Variants in BRD3 observed in about 807,000 individuals in gnomAD.
The protein encoded by BRD3 is bromodomain containing 3, also known as bromodomain-containing protein 3.
A neutral mutation model predicts 66.8 loss-of-function variants in BRD3; 17 were observed. The observed-to-expected ratio is 0.25, with a 90% CI of 0.17 to 0.38. The LOEUF (loss-of-function observed/expected upper bound fraction) is 0.38. Among genes scored for constraint, BRD3 ranks in the 10% least tolerant of loss-of-function variants. BRD3 has a pLI of 1.00. For synonymous variants in BRD3, 421 were observed against 393.2 expected (o/e 1.07, Z -0.84); for missense variants, 713 against 956.1 (o/e 0.75, Z 3.35).
chr9:134,036,442 C>T, intron 9 of BRD3, 118 bp from the exon 10 acceptor site: 5 of 1,576,350 alleles, frequency 3.2e-6, no homozygotes, highest in Non-Finnish European at 4.3e-6. Flanking sequence ...GCTTTCTTCC[C>T]AAAGTGGTGC....
chr9:134,039,853 T>A (rs1454126814), intron 9 of BRD3, among the ~76,000 whole-genome samples, 181 bp downstream of exon 9: 1 of 151,240 alleles, frequency 6.6e-6, no homozygotes, highest in African/African-American at 2.5e-5. Flanking sequence ...CTGAGCAGCA[T>A]CACCTGGGCC....
intron 9 of BRD3, among the ~76,000 whole-genome samples, chr9:134,038,694 A>T (rs987110791): frequency 6.6e-6 from 1 of 152,140 alleles, no homozygotes; most frequent in Non-Finnish European, 1.5e-5. Context: ...CAAAATCTGA[A>T]ACTGTCTGAG....
chr9:134,034,437 G>T, intron 11 of BRD3: 2 of 457,946 alleles, frequency 4.4e-6, no homozygotes, highest in South Asian at 2.7e-5. Context: ...GCCCTCTCCT[G>T]GGGGGTCCTC....
At chr9:134,068,515 C>G (rs868077664), upstream of BRD3, 2 of 150,504 alleles carry the variant, frequency 1.3e-5, no homozygotes, top group African/African-American at 4.8e-5. Flanking sequence ...TGTAAACAAA[C>G]CGCGCGCCTA....
intron 1 of BRD3, chr9:134,058,370 G>C (rs931323112): frequency 6.6e-6 from 1 of 152,326 alleles, no homozygotes; most frequent in Non-Finnish European, 1.5e-5. Context: ...TGGACGAACA[G>C]AGGTAACATT....
rs202191407 is a variant in BRD3 at position 134,048,375 on chromosome 9, G to A, written c.794C>T (p.Pro265Leu). ...AITASRSESP[P>L]PLSDPKQAKV... is the part of the protein sequence containing the mutation. Reference sequence around the variant, plus strand: ...GGCCTGCTTGGGGTCTGACAACGGCGGGGGCGACTCACTCCGGCTGGCAGT... The same window carrying A: ...GGCCTGCTTGGGGTCTGACAACGGCAGGGGCGACTCACTCCGGCTGGCAGT... Residue 265 changes from proline (P) to leucine (L), a missense_variant, in exon 6 of 12, where the codon CCG becomes CTG. Pro to Leu is a moderately conservative substitution (Grantham distance 98, BLOSUM62 -3). Around this residue, in one of 5 missense-constraint regions of BRD3, gnomAD observed 418 missense variants for 609.3 expected, o/e 0.69. Transcript: ENST00000303407. 112 of 1,598,512 alleles carry A rather than the reference G, an allele frequency of 7.0e-5. No homozygotes were observed. The highest frequency in any genetic ancestry group is 8.1e-5 in the Non-Finnish European group (95 of 1,179,860).
chr9:134,041,629 G>C (rs146906837), intron 8 of BRD3, 131 bp downstream of exon 8: 1 of 1,225,828 alleles, frequency 8.2e-7, no homozygotes, highest in South Asian at 1.5e-5. Context: ...GTGTCTTTAC[G>C]GGGAAGCACT....
intron 8 of BRD3, among the ~76,000 whole-genome samples, 171 bp from the exon 9 acceptor site, chr9:134,040,440 C>T (rs1830020193): frequency 6.6e-6 from 1 of 152,200 alleles, no homozygotes; most frequent in Admixed American, 6.5e-5. Context: ...CCCGTGACCC[C>T]CAGTGAGTCA....
intron 3 of BRD3, 119 bp from the exon 4 acceptor site, chr9:134,051,828 G>A: frequency 9.3e-7 from 1 of 1,078,906 alleles, no homozygotes; most frequent in Non-Finnish European, 1.3e-6. Context: ...GGCAGCGCAG[G>A]AGAGAACAAA....
At chr9:134,046,018 G>A (rs456207) in intron 6 of BRD3, among the ~76,000 whole-genome samples, 49,332 of 151,976 alleles carry the variant, frequency 0.32, 8,443 homozygotes, top group East Asian at 0.62. Flanking sequence ...TGGAGGCAAC[G>A]GGGGCGTGTC....
chr9:134,067,268 G>A (rs1830680484), intron 1 of BRD3, among the ~76,000 whole-genome samples: 1 of 151,920 alleles, frequency 6.6e-6, no homozygotes, highest in Admixed American at 6.5e-5. Flanking sequence ...CAATAATCCG[G>A]CAACTCAGGG....
At chr9:134,064,381 A>AT (rs1052754745) in intron 1 of BRD3, among the ~76,000 whole-genome samples, 23 of 130,956 alleles carry the variant, frequency 1.8e-4, no homozygotes, top group African/African-American at 4.0e-4. Context: ...ATTAAAAAAA[A>AT]TTAAAAAAAA....
chr9:134,043,628 C>T (rs1830107926), intron 7 of BRD3, among the ~76,000 whole-genome samples: 3 of 152,210 alleles, frequency 2.0e-5, no homozygotes, highest in Non-Finnish European at 4.4e-5. Context: ...CAGGTCAGGT[C>T]GTTTTGCTGT....
intron 1 of BRD3, among the ~76,000 whole-genome samples, chr9:134,063,637 C>T (rs906607812): frequency 1.3e-5 from 2 of 152,190 alleles, no homozygotes; most frequent in Non-Finnish European, 2.9e-5. Flanking sequence ...AGTGCTCACA[C>T]GGAGGCTAAG....
chr9:134,065,562 G>A (rs866710421), intron 1 of BRD3, among the ~76,000 whole-genome samples: 2 of 152,140 alleles, frequency 1.3e-5, no homozygotes, highest in African/African-American at 4.8e-5. Flanking sequence ...TGAAAACCAA[G>A]AGACCCGCAG....
chr9:134,038,018 G>T (rs1829963486), intron 9 of BRD3, among the ~76,000 whole-genome samples: 1 of 152,198 alleles, frequency 6.6e-6, no homozygotes, highest in Non-Finnish European at 1.5e-5. Context: ...TTGAATTCAT[G>T]ATTAAAAACC....
intron 1 of BRD3, among the ~76,000 whole-genome samples, chr9:134,060,608 ACACACACACACACG>A (rs1164555577): frequency 1.3e-5 from 2 of 151,842 alleles, no homozygotes; most frequent in African/African-American, 2.4e-5. Flanking sequence ...ACACACACAC[ACACACACACACACG>A]ATCTGGAATG....
intron 6 of BRD3, among the ~76,000 whole-genome samples, chr9:134,047,461 C>T (rs1444602403): frequency 6.6e-6 from 1 of 152,182 alleles, no homozygotes; most frequent in African/African-American, 2.4e-5. Flanking sequence ...GCTCAAATGC[C>T]GCACCCACCA....
rs111636558 is a variant in BRD3, at chr9:134,051,849, G to A, written c.352-140C>T. 2,926 of 340,096 alleles carry A rather than the reference G, an allele frequency of 8.6e-3. 109 individuals are homozygous for A. In the African/African-American group the frequency reaches 0.091, roughly 11 times the overall value. The allele number at this position is 340,096 out of a possible 1,614,324, so 21.1% of individuals were successfully genotyped here. A position where few individuals can be genotyped will look rare whatever the true frequency, so the allele number is the denominator to read the frequency against. ...GCAGGAGAGAACAAAATGAATATAT[G>A]TGTGTGTGTGTGTGTGTGTGTGTGT... On this transcript the variant is annotated intron_variant, in intron 3 of 11. Coordinates refer to ENST00000303407, the MANE Select transcript of BRD3 (RefSeq NM_007371.4).
Sources: allele counts gnomAD v4.1 joint callset (sites outside exome capture counted in the v4.1 genomes callset), GRCh38; gene constraint gnomAD v4.1.1; regional missense constraint gnomAD v4.1.1; transcripts MANE v1.5; gene names NCBI Gene and HGNC (gene_info 2026-07-23, HGNC 2026-07-21).